The following IL32 variants were observed in gnomAD, a reference collection of about 807,000 sequenced individuals.
The protein encoded by IL32 is interleukin 32.
A neutral mutation model predicts 16.6 loss-of-function variants in IL32; 30 were observed. The observed-to-expected ratio is 1.81, with a 90% confidence interval of 1.35 to 2.45. The LOEUF (loss-of-function observed/expected upper bound fraction) is 2.45. Ranked by LOEUF, IL32 falls within the 30% of genes most tolerant of loss-of-function variation. The probability of loss-of-function intolerance (pLI) is 0.00; values close to 1 mark genes in which losing one functional copy is unlikely to be tolerated. For synonymous variants in IL32, 70 were observed against 86.1 expected, an observed-to-expected ratio of 0.81 and a Z score of 1.03; for missense variants, 234 against 229.8, an observed-to-expected ratio of 1.02 and a Z score of -0.12.
chr16:3,067,376 G>A lies in IL32; in HGVS notation c.16-1G>A. 1 of 1,535,552 alleles carries A rather than the reference G, an allele frequency of 6.5e-7. No homozygotes were observed. Among genetic ancestry groups the A allele is most frequent in the Non-Finnish European group, 8.8e-7 (1 of 1,139,970 alleles). ...ACTGAGTGTCACCGTTATTTCCGCA[G>A]GTCCTCTCTGATGACATGAAGAAGC... On this transcript the variant is annotated splice_acceptor_variant, in intron 2 of 6. Transcript: ENST00000525643. LOFTEE classifies it high-confidence loss of function.
At chr16:3,065,964 G>A (rs761481973) in intron 2 of IL32, 138 bp downstream of exon 2, 1 of 1,032,304 alleles carries the variant, frequency 9.7e-7, no homozygotes, top group Non-Finnish European at 1.5e-6. Context: ...GATAGTGATG[G>A]GGTGAGAGTG....
chr16:3,068,579 G>A, intron 6 of IL32: 1 of 412,668 alleles, frequency 2.4e-6, no homozygotes, highest in South Asian at 2.2e-5. Context: ...CCAAAGTGCT[G>A]AGATTACAGG....
At chr16:3,067,234 G>T (rs892197652) in intron 2 of IL32, 143 bp from the exon 3 acceptor site, 72 of 610,168 alleles carry the variant, frequency 1.2e-4, no homozygotes, top group Non-Finnish European at 1.7e-4. Flanking sequence ...TCCTGGGACT[G>T]CTGTCTCCTC....
At chr16:3,065,604 T>C, upstream of IL32, 2 of 674,416 alleles carry the variant, frequency 3.0e-6, no homozygotes, top group Non-Finnish European at 5.4e-6. Context: ...TACCCCCCAC[T>C]TTCCCCATAA....
At chr16:3,065,570 T>C (rs946914528), upstream of IL32, 129 of 616,164 alleles carry the variant, frequency 2.1e-4, no homozygotes, top group African/African-American at 2.2e-3. Flanking sequence ...CAAGGCCTCC[T>C]GCCCTGAGAG....
chr16:3,065,945 C>A (rs547445097), intron 2 of IL32, 119 bp downstream of exon 2: 1 of 1,203,668 alleles, frequency 8.3e-7, no homozygotes, highest in Non-Finnish European at 1.2e-6. Flanking sequence ...GGGCACCCAG[C>A]GGCAGGAGGA....
chr16:3,068,149 G>A (rs1007919989), intron 5 of IL32, 31 bp from the exon 6 acceptor site: 3 of 1,603,756 alleles, frequency 1.9e-6, no homozygotes, highest in Non-Finnish European at 2.6e-6. Context: ...GGCAGGAGCA[G>A]CATGAACCCC....
chr16:3,067,895 G>A, intron 4 of IL32, 89 bp from the exon 5 acceptor site: 5 of 1,456,084 alleles, frequency 3.4e-6, no homozygotes, highest in South Asian at 2.3e-5. Flanking sequence ...GGGGTGTGTG[G>A]GAGCTGAGGA....
In IL32 at chr16:3,067,291, G is replaced by GTGTGTGTCTC. The variant is rs1956478688; in HGVS notation, c.16-79_16-78insCTCTGTGTGT. 5 of 664,226 alleles carry GTGTGTGTCTC rather than the reference G, an allele frequency of 7.5e-6. No individual in the cohort carries two copies. The East Asian group carries it at 8.1e-5, about 11-fold the overall frequency. The allele number at this position is 664,226 out of a possible 1,614,324, so 41.1% of individuals were successfully genotyped here. ...TGTCTCTGTGTGTGTGTGTGTGTGT[G>GTGTGTGTCTC]TGTGTGTGTGTGTGTGTGTATAAAT... On this transcript the variant is annotated intron_variant, in intron 2 of 6. Coordinates refer to ENST00000525643, the MANE Select transcript of IL32 (RefSeq NM_001376923.1).
At chr16:3,067,940 C>T in intron 4 of IL32, 44 bp from the exon 5 acceptor site, 2 of 1,610,720 alleles carry the variant, frequency 1.2e-6, no homozygotes, top group Non-Finnish European at 1.7e-6. Flanking sequence ...ATGTGGGGTG[C>T]AGAGGAGGCT....
intron 2 of IL32, among the ~76,000 whole-genome samples, chr16:3,066,376 G>A (rs551297507): frequency 6.6e-6 from 1 of 152,350 alleles, no homozygotes; most frequent in South Asian, 2.1e-4. Flanking sequence ...TGTCGGCACG[G>A]TGCTGCTTTC....
Position 3,065,705 on chromosome 16 carries a change from C to T in IL32, c.-29+18C>T. On this transcript the variant is annotated intron_variant, in intron 1 of 6. Coordinates refer to ENST00000525643, the MANE Select transcript of IL32 (RefSeq NM_001376923.1). ...CATCTCAGGTGGGGAGTTGGGGTCC[C>T]CGAAGGTGAGGACCCTCTGGGGAGG... The T allele has an allele frequency of 2.3e-6, 3 of 1,323,554 alleles. No homozygotes were observed. The highest frequency in any genetic ancestry group is 2.3e-5 in the East Asian group (1 of 43,546). 82.0% of individuals were successfully genotyped at this position (1,323,554 alleles called of 1,614,324 possible). A position where few individuals can be genotyped will look rare whatever the true frequency, so the allele number is the denominator to read the frequency against.
In IL32 at chr16:3,067,416, G is replaced by A; in HGVS notation, c.54+1G>A. ...CATGAAGAAGCTGAAGGCCCGAATG[G>A]TAATGCTCCTCCCTACTTCTGCTCA... On this transcript the variant is annotated splice_donor_variant, in intron 3 of 6. Coordinates refer to ENST00000525643, the MANE Select transcript of IL32 (RefSeq NM_001376923.1). LOFTEE classifies it high-confidence loss of function. The A allele has an allele frequency of 2.5e-6, 4 of 1,589,120 alleles. No individual in the cohort carries two copies. The South Asian group carries it at 4.5e-5, about 18-fold the overall frequency.
At chr16:3,065,874 C>A in intron 2 of IL32, 48 bp downstream of exon 2, 2 of 1,611,614 alleles carry the variant, frequency 1.2e-6, no homozygotes, top group Non-Finnish European at 1.7e-6. Context: ...TGAAAACAGA[C>A]CGTAAGGGTG....
chr16:3,067,651 C>T (rs754932618), intron 4 of IL32, 38 bp downstream of exon 4: 6 of 1,473,288 alleles, frequency 4.1e-6, no homozygotes, highest in Non-Finnish European at 3.8e-6. Context: ...GTCACATGTC[C>T]CCGCCCCCAG....
upstream of IL32, chr16:3,065,436 G>A (rs987996236): frequency 3.1e-6 from 1 of 323,452 alleles, no homozygotes; most frequent in Non-Finnish European, 5.8e-6. Flanking sequence ...GGGAGCAGGG[G>A]CCCAGCCAGG....
At chr16:3,067,676 G>A (rs1956545821) in intron 4 of IL32, 63 bp downstream of exon 4, 3 of 1,260,150 alleles carry the variant, frequency 2.4e-6, no homozygotes, top group African/African-American at 1.5e-5. Flanking sequence ...TCCACCCTGT[G>A]TGGGGCTCAG....
In IL32 at chr16:3,067,290, TGTG is replaced by T; in HGVS notation, c.16-86_16-84del. ...GTGTCTCTGTGTGTGTGTGTGTGTG[TGTG>T]TGTGTGTGTGTGTGTGTATAAATTA... On this transcript the variant is annotated intron_variant, in intron 2 of 6. Coordinates refer to ENST00000525643, the MANE Select transcript of IL32 (RefSeq NM_001376923.1). 6.3e-6 allele frequency: 4 copies of T among 637,552 alleles called. No homozygotes were observed. The South Asian group carries it at 8.1e-5, about 13-fold the overall frequency. 39.5% of individuals were successfully genotyped at this position (637,552 alleles called of 1,614,324 possible).
Position 3,068,085 on chromosome 16 carries a change from C to T in IL32, c.141+75C>T, listed in dbSNP as rs148340020. On this transcript the variant is annotated intron_variant, in intron 5 of 6. Transcript: ENST00000525643. Reference sequence around the variant, plus strand: ...TCCACAGGACACTGGGTCTGGGCCCCGGGTCCCCTTGGGAATCACCTGGAC... The same window carrying T: ...TCCACAGGACACTGGGTCTGGGCCCTGGGTCCCCTTGGGAATCACCTGGAC... 6.6e-3 allele frequency: 10,660 copies of T among 1,604,940 alleles called. 68 individuals are homozygous for T. Among genetic ancestry groups the T allele is most frequent in the Middle Eastern group, 0.038 (229 of 6,026 alleles).
Sources: allele counts gnomAD v4.1 joint callset (sites outside exome capture counted in the v4.1 genomes callset), GRCh38; gene constraint gnomAD v4.1.1; transcripts MANE v1.5; gene names NCBI Gene and HGNC (gene_info 2026-07-23, HGNC 2026-07-21).